PSTPIP1: variants seen among roughly 807,000 people sequenced by gnomAD.
The protein encoded by PSTPIP1 is proline-serine-threonine phosphatase-interacting protein 1.
In PSTPIP1, 66 loss-of-function variants were observed where a neutral mutation model predicts 69.6. The ratio of observed to expected loss-of-function variants is 0.95; its 90% CI spans 0.78 to 1.16. PSTPIP1 has a LOEUF of 1.16. Ranked by LOEUF, PSTPIP1 falls within the 50% of genes most tolerant of loss-of-function variation. The pLI, the probability that PSTPIP1 is intolerant of heterozygous loss-of-function variation, is 0.00. For synonymous variants in PSTPIP1, 266 were observed against 222.7 expected (o/e 1.19, Z -1.73); for missense variants, 603 against 557.4 (o/e 1.08, Z -0.82).
chr15:76,994,705 C>T, upstream of PSTPIP1: 1 of 1,254,554 alleles, frequency 8.0e-7, no homozygotes, highest in Non-Finnish European at 1.0e-6. Flanking sequence ...GCTCACAGCC[C>T]CCCAGAGCAC....
intron 12 of PSTPIP1, among the ~76,000 whole-genome samples, chr15:77,034,490 G>GC (rs2076506977): frequency 6.6e-6 from 1 of 151,954 alleles, no homozygotes; most frequent in Non-Finnish European, 1.5e-5. Context: ...CCCCCCACAG[G>GC]CCCCTGAGTC....
chr15:77,014,067 G>A (rs976893019), intron 1 of PSTPIP1, among the ~76,000 whole-genome samples: 1 of 152,168 alleles, frequency 6.6e-6, no homozygotes, highest in Non-Finnish European at 1.5e-5. Flanking sequence ...TGGGTGACAG[G>A]CCCTGAGTGT....
intron 1 of PSTPIP1, among the ~76,000 whole-genome samples, chr15:77,005,163 C>T (rs2075791109): frequency 6.6e-6 from 1 of 152,134 alleles, no homozygotes; most frequent in African/African-American, 2.4e-5. Context: ...GTGGGCAGAT[C>T]ACCTGAGGTC....
chr15:77,016,479 C>T (rs988115350), intron 1 of PSTPIP1, among the ~76,000 whole-genome samples: 1 of 152,150 alleles, frequency 6.6e-6, no homozygotes, highest in African/African-American at 2.4e-5. Context: ...GTGATGTCAA[C>T]CTGGACATGG....
intron 1 of PSTPIP1, among the ~76,000 whole-genome samples, chr15:77,007,636 C>T (rs1173774845): frequency 6.6e-6 from 1 of 151,468 alleles, no homozygotes; most frequent in Non-Finnish European, 1.5e-5. Context: ...GCTCTGCTGC[C>T]CAAGCTGGAG....
rs1157819995 is a variant in PSTPIP1 at position 77,036,489 on chromosome 15, G to C, written c.1119+554G>C. On this transcript the variant is annotated intron_variant, in intron 14 of 14. Transcript: ENST00000558012. ...GATGAACCAAGGCAGCCACAGGGCA[G>C]CTATGAGAGTCCTTTCTGCTCCCTG... is the stretch of plus-strand genomic sequence containing the variant. 3.3e-5 allele frequency among the ~76,000 whole-genome samples: 5 copies of C among 152,340 alleles called. No homozygotes were observed. The East Asian group carries it at 9.6e-4, about 29-fold the overall frequency.
chr15:76,995,379 C>G lies in PSTPIP1; in HGVS notation c.-195C>G. ...CTGCTGATTCTAGCCCCAAACAAAA[C>G]AGGTTGAGCTTTTTCCTCCCCTCAG... On this transcript the variant is annotated 5_prime_UTR_variant, in exon 1 of 15. Coordinates refer to ENST00000558012, the MANE Select transcript of PSTPIP1 (RefSeq NM_003978.5). 6.9e-7 allele frequency: 1 copy of G among 1,440,152 alleles called. No individual in the cohort carries two copies. Among genetic ancestry groups the G allele is most frequent in the Non-Finnish European group, 9.1e-7 (1 of 1,101,234 alleles). The allele number at this position is 1,440,152 out of a possible 1,614,324, so 89.2% of individuals were successfully genotyped here. A position where few individuals can be genotyped will look rare whatever the true frequency, so the allele number is the denominator to read the frequency against.
chr15:77,025,668 G>C (rs2076265273), intron 5 of PSTPIP1, 64 bp downstream of exon 5: 1 of 1,418,178 alleles, frequency 7.1e-7, no homozygotes, highest in East Asian at 2.5e-5. Context: ...TTGCTGTGGG[G>C]GTAGGGGGCT....
rs574970063 is a variant in PSTPIP1 at position 77,013,996 on chromosome 15, G to T, written c.37-4152G>T. 1.2e-4 allele frequency among the ~76,000 whole-genome samples: 18 copies of T among 152,302 alleles called. No individual in the cohort carries two copies. In the East Asian group the frequency reaches 3.5e-3, roughly 29 times the overall value. ...CCCCAGCTGAGGGAAGGTGTTTCTGGTCGGGGAGGTGGCAGGCAGGCGGGG... is the reference window on the plus strand; with the variant it reads ...CCCCAGCTGAGGGAAGGTGTTTCTGTTCGGGGAGGTGGCAGGCAGGCGGGG... On this transcript the variant is annotated intron_variant, in intron 1 of 14. Coordinates refer to ENST00000558012, the MANE Select transcript of PSTPIP1 (RefSeq NM_003978.5).
intron 1 of PSTPIP1, among the ~76,000 whole-genome samples, chr15:76,996,925 G>A (rs2075593228): frequency 6.6e-6 from 1 of 152,158 alleles, no homozygotes; most frequent in Non-Finnish European, 1.5e-5. Context: ...GCAAAGTTGG[G>A]GGAAGGGGTA....
At chr15:77,019,197 T>A (rs577551104) in intron 3 of PSTPIP1, among the ~76,000 whole-genome samples, 2 of 152,208 alleles carry the variant, frequency 1.3e-5, no homozygotes, top group South Asian at 2.1e-4. Context: ...GGTGAGGAGA[T>A]GAAGGTGAGT....
chr15:77,000,010 G>C (rs1047509775), intron 1 of PSTPIP1, among the ~76,000 whole-genome samples: 1 of 152,220 alleles, frequency 6.6e-6, no homozygotes, highest in African/African-American at 2.4e-5. Context: ...CCCACCCTTT[G>C]GGTGGGAACC....
chr15:77,009,207 A>AG (rs1211984432), intron 1 of PSTPIP1, among the ~76,000 whole-genome samples: 1 of 152,192 alleles, frequency 6.6e-6, no homozygotes, highest in Admixed American at 6.5e-5. Flanking sequence ...GGAAGGCCTC[A>AG]GGCTCAGCTC....
chr15:77,034,479 GC>G (rs2076506585), intron 12 of PSTPIP1, among the ~76,000 whole-genome samples: 1 of 151,958 alleles, frequency 6.6e-6, no homozygotes, highest in Non-Finnish European at 1.5e-5. Context: ...TTGCAGGGCT[GC>G]CCCCCACAGG....
intron 12 of PSTPIP1, among the ~76,000 whole-genome samples, chr15:77,034,455 C>T (rs1169268623): frequency 6.6e-6 from 1 of 152,148 alleles, no homozygotes; most frequent in Non-Finnish European, 1.5e-5. Context: ...AGGCCCCCCA[C>T]ATGCCACCTT....
chr15:77,011,015 T>G (rs567489599), intron 1 of PSTPIP1, among the ~76,000 whole-genome samples: 3 of 152,232 alleles, frequency 2.0e-5, no homozygotes, highest in Admixed American at 1.3e-4. Context: ...GCTGGCCCCA[T>G]GAGAGTGAAG....
chr15:77,035,742 G>A (rs1211859920), intron 13 of PSTPIP1, 60 bp from the exon 14 acceptor site: 16 of 1,513,462 alleles, frequency 1.1e-5, no homozygotes, highest in East Asian at 2.4e-5. Context: ...CATTCTAGTA[G>A]GACTTCCAGG....
chr15:77,036,047 C>T (rs754508419), intron 14 of PSTPIP1, 112 bp downstream of exon 14: 18 of 1,354,624 alleles, frequency 1.3e-5, no homozygotes, highest in South Asian at 6.1e-5. Context: ...CACTCATCTT[C>T]GAGCATCCTC....
In PSTPIP1 at chr15:77,027,427, C is replaced by T. The variant is rs1157009790; in HGVS notation, c.355-425C>T. Among the ~76,000 whole-genome samples, 1 of 152,060 alleles carries T rather than the reference C, an allele frequency of 6.6e-6. No homozygotes were observed. The highest frequency in any genetic ancestry group is 1.5e-5 in the Non-Finnish European group (1 of 67,990). ...GTGCACAGGAATGCCTGTGATCATG[C>T]GTGTGGGCAGCTAGGGATGGGGCCT... On this transcript the variant is annotated intron_variant, in intron 5 of 14. Transcript: ENST00000558012. This position sits in a 1 kb window ranked among gnomAD's most constrained non-coding sequence, Gnocchi z 4.3.
Sources: gnomAD v4.1 joint callset for allele counts (sites outside exome capture counted in the v4.1 genomes callset) on GRCh38, gnomAD v4.1.1 for gene constraint, Gnocchi (gnomAD v3.1) non-coding constraint, MANE v1.5 for transcripts, NCBI Gene and HGNC (gene_info 2026-07-23, HGNC 2026-07-21) for gene names.